Variants in TNK2 observed in about 807,000 individuals in gnomAD.
TNK2 encodes the protein tyrosine kinase non receptor 2.
TNK2 carries 83 observed loss-of-function variants against 101.8 expected under a neutral mutation model. That is an observed-to-expected ratio of 0.82 (90% CI 0.68 to 0.98). TNK2 has a LOEUF of 0.98. Among genes scored for constraint, TNK2 ranks in the 50% least tolerant of loss-of-function variants. The probability of loss-of-function intolerance (pLI) is 0.00; values close to 1 mark genes in which losing one functional copy is unlikely to be tolerated. For missense variants in TNK2, 1,665 were observed against 1,483.2 expected (o/e 1.12, Z -2.01); for synonymous variants, 804 against 633.0 (o/e 1.27, Z -4.06).
intron 9 of TNK2, among the ~76,000 whole-genome samples, chr3:195,874,279 C>T (rs1025029707): frequency 6.6e-6 from 1 of 152,246 alleles, no homozygotes. Flanking sequence ...CTGGCCTCTC[C>T]CTTCCGCCAA....
Position 195,888,090 on chromosome 3 carries a change from AC to A in TNK2, c.163+335del, listed in dbSNP as rs906838388. On this transcript the variant is annotated intron_variant, in intron 2 of 15. Transcript: ENST00000672887. The surrounding 1 kb of genome is among the most constrained non-coding windows in gnomAD (Gnocchi z 5.3). ...TCTCCCTACAGATCTCTGCACATGGACCCCCCGGTAGTCAGAATGATGAGAA... is the reference window on the plus strand; with the variant it reads ...TCTCCCTACAGATCTCTGCACATGGACCCCCGGTAGTCAGAATGATGAGAA... 6.6e-6 allele frequency among the ~76,000 whole-genome samples: 1 copy of A among 151,458 alleles called. No homozygotes were observed. The highest frequency in any genetic ancestry group is 1.5e-5 in the Non-Finnish European group (1 of 67,900).
At position 195,881,638 on chromosome 3, in the gene TNK2, C is replaced by G. The variant is rs1012548834; in HGVS notation, c.887+413G>C. Among the ~76,000 whole-genome samples the G allele has an allele frequency of 2.3e-5, 2 of 85,922 alleles. 1 individual carries two copies. The highest frequency in any genetic ancestry group is 9.5e-5 in the African/African-American group (2 of 21,150). 56.4% of individuals were successfully genotyped at this position (85,922 alleles called of 152,430 possible). ...ACACAGCATCTATCCTTGTAACACC[C>G]CCCCCCCAGCAACGCCCTTTGGAGA... On this transcript the variant is annotated intron_variant, in intron 6 of 15. Transcript: ENST00000672887.
rs200116122 is a variant in TNK2, at chr3:195,872,278, G to A, written c.1449C>T (p.Asp483=). 42 of 1,613,296 alleles carry A rather than the reference G, an allele frequency of 2.6e-5. No individual in the cohort carries two copies. The highest frequency in any genetic ancestry group is 2.2e-4 in the East Asian group (10 of 44,874). Reference sequence around the variant, plus strand: ...ATCCATCCCCGCCCAGTACTCACTCGTCAATCCTGTCCGGGAAGCCCCAGC... The same window carrying A: ...ATCCATCCCCGCCCAGTACTCACTCATCAATCCTGTCCGGGAAGCCCCAGC... ...RHCWGFPDRI[D]ELYLGNPMDP... The change falls in exon 10 of 16, where the codon GAC becomes GAT. Residue 483 remains aspartate (D), a splice_region_variant and synonymous_variant. Transcript: ENST00000672887.
chr3:195,895,370 C>G, intron 1 of TNK2: 1 of 1,553,542 alleles, frequency 6.4e-7, no homozygotes, highest in Non-Finnish European at 8.7e-7. Flanking sequence ...CGCAGCGGCA[C>G]CGGCAGCGTC....
Position 195,870,188 on chromosome 3 carries a change from G to T in TNK2, c.1469C>A (p.Pro490His), listed in dbSNP as rs1304808729. 2 of 1,566,976 alleles carry T rather than the reference G, an allele frequency of 1.3e-6. No individual in the cohort carries two copies. Among genetic ancestry groups the T allele is most frequent in the Non-Finnish European group, 1.7e-6 (2 of 1,153,550 alleles). Residue 490 changes from proline (P) to histidine (H), a missense_variant, in exon 11 of 16, where the codon CCC becomes CAC. Around this residue, in one of 3 missense-constraint regions of TNK2, gnomAD observed 1,136 missense variants for 894.9 expected, o/e 1.27. Coordinates refer to ENST00000672887, the MANE Select transcript of TNK2 (RefSeq NM_001382273.1). ...GCTCAGGAGGTCGGGGGGGTCCATG[G>T]GGTTTCCCAGATACAGTCTGTGGGG... is the stretch of plus-strand genomic sequence containing the variant. ...DRIDELYLGN[P>H]MDPPDLLSVE...
intron 6 of TNK2, among the ~76,000 whole-genome samples, chr3:195,881,569 C>G (rs1372900571): frequency 1.5e-5 from 1 of 68,904 alleles, no homozygotes; most frequent in Non-Finnish European, 2.5e-5. Context: ...GAGGACACAG[C>G]ATCTATCCCT....
In TNK2 at chr3:195,868,008, GC is replaced by G. The variant is rs1430785147; in HGVS notation, c.2289del (p.Thr765ArgfsTer83). 2 of 1,575,008 alleles carry G rather than the reference GC, an allele frequency of 1.3e-6. No homozygotes were observed. The highest frequency in any genetic ancestry group is 3.7e-5 in the Admixed American group (2 of 53,846). On this transcript the variant is annotated frameshift_variant, in exon 13 of 16. Coordinates refer to ENST00000672887, the MANE Select transcript of TNK2 (RefSeq NM_001382273.1). LOFTEE classifies it high-confidence loss of function. ...GACAGCTGGACGTGTGGGCGCGTGG[GC>G]CGAGGGGGGATGGGTACCCGAGGAG... is the stretch of plus-strand genomic sequence containing the variant. ...QVPPRVPIPP[R>X]PTRPHVQLSP...
At chr3:195,890,621 T>C (rs1459757114) in intron 1 of TNK2, among the ~76,000 whole-genome samples, 1 of 152,116 alleles carries the variant, frequency 6.6e-6, no homozygotes, top group Non-Finnish European at 1.5e-5. Flanking sequence ...GTATTTTTAG[T>C]GGAGACAGGG....
chr3:195,892,002 G>A (rs570327667), intron 1 of TNK2: 20 of 1,012,718 alleles, frequency 2.0e-5, no homozygotes, highest in South Asian at 4.5e-5. Context: ...AAGGAACTCC[G>A]GGATGCTGGT....
Position 195,872,391 on chromosome 3 carries a change from C to CGGAGGTCACCACGTTGCGAGG in TNK2, c.1315_1335dup (p.Pro439_Ser445dup), listed in dbSNP as rs770971907. 6.2e-7 allele frequency: 1 copy of CGGAGGTCACCACGTTGCGAGG among 1,613,332 alleles called. No individual in the cohort carries two copies. Among genetic ancestry groups the CGGAGGTCACCACGTTGCGAGG allele is most frequent in the East Asian group, 2.2e-5 (1 of 44,884 alleles). ...ATGTCCTGGGCCGACAGGCCGGCCA[C>CGGAGGTCACCACGTTGCGAGG]GGAGGTCACCACGTTGCGAGGGAAG... On this transcript the variant is annotated inframe_insertion, in exon 10 of 16. Transcript: ENST00000672887.
At chr3:195,905,949 A>C (rs6796626) in intron 1 of TNK2, among the ~76,000 whole-genome samples, 21,519 of 152,182 alleles carry the variant, frequency 0.14, 2,108 homozygotes, top group East Asian at 0.39. Context: ...GCTTATATCC[A>C]GAATATATCA....
At chr3:195,887,955 CGT>C (rs58113480) in intron 2 of TNK2, among the ~76,000 whole-genome samples, 65,893 of 147,872 alleles carry the variant, frequency 0.45, 14,705 homozygotes, top group African/African-American at 0.54. Context: ...TGTGTGCCTG[CGT>C]GTGTGTGTGT....
chr3:195,872,137 T>G, intron 10 of TNK2, 139 bp downstream of exon 10: 1 of 962,178 alleles, frequency 1.0e-6, no homozygotes, highest in South Asian at 1.7e-5. Flanking sequence ...AAGGCCAGGG[T>G]GAGGAGGGGA....
At chr3:195,892,995 C>T (rs1759216492) in intron 1 of TNK2, among the ~76,000 whole-genome samples, 1 of 152,008 alleles carries the variant, frequency 6.6e-6, no homozygotes, top group Non-Finnish European at 1.5e-5. Context: ...GCTTCTACCC[C>T]AGCCCTCACA....
At chr3:195,881,647 G>A (rs1388361575) in intron 6 of TNK2, among the ~76,000 whole-genome samples, 1 of 35,960 alleles carries the variant, frequency 2.8e-5, no homozygotes, top group Non-Finnish European at 4.9e-5. Flanking sequence ...CCCCCCCCCA[G>A]CAACGCCCTT....
intron 1 of TNK2, among the ~76,000 whole-genome samples, chr3:195,903,858 A>G (rs1345102426): frequency 6.6e-6 from 1 of 152,240 alleles, no homozygotes; most frequent in African/African-American, 2.4e-5. Context: ...AATCCAAAGG[A>G]AGTTACAAAA....
intron 6 of TNK2, among the ~76,000 whole-genome samples, chr3:195,879,791 A>T (rs1040557164): frequency 6.6e-6 from 1 of 151,700 alleles, no homozygotes; most frequent in African/African-American, 2.4e-5. Context: ...CTGCCCCTCA[A>T]AGGGGATGGG....
At chr3:195,866,270 A>G (rs1740793142) in intron 15 of TNK2, among the ~76,000 whole-genome samples, 1 of 151,864 alleles carries the variant, frequency 6.6e-6, no homozygotes, top group African/African-American at 2.4e-5. Flanking sequence ...GTGCAATCTC[A>G]GCTCACAGCA....
chr3:195,873,042 G>A (rs895401610), intron 9 of TNK2, among the ~76,000 whole-genome samples: 2 of 152,110 alleles, frequency 1.3e-5, no homozygotes, highest in African/African-American at 4.8e-5. Context: ...GAGAGTCTAG[G>A]AGCACTCGGG....
Sources: allele counts gnomAD v4.1 joint callset (sites outside exome capture counted in the v4.1 genomes callset), GRCh38; gene constraint gnomAD v4.1.1; regional missense constraint gnomAD v4.1.1; non-coding constraint Gnocchi (gnomAD v3.1); transcripts MANE v1.5; gene names NCBI Gene and HGNC (gene_info 2026-07-23, HGNC 2026-07-21).